The following MAG variants were observed in gnomAD, a reference collection of about 807,000 sequenced individuals.
MAG encodes myelin-associated glycoprotein.
MAG carries 30 observed loss-of-function variants against 60.7 expected under a neutral mutation model. The observed-to-expected ratio is 0.49, with a 90% CI of 0.37 to 0.67. The LOEUF is 0.67. Ranked by LOEUF, MAG falls within the 30% of genes least tolerant of loss-of-function variation. MAG has a pLI of 0.00. For missense variants in MAG, 795 were observed against 851.7 expected (o/e 0.93, Z 0.83); for synonymous variants, 384 against 376.8 (o/e 1.02, Z -0.22).
Position 35,295,760 on chromosome 19 carries a change from A to G in MAG, c.194A>G (p.Tyr65Cys). 1 of 1,613,660 alleles carries G rather than the reference A, an allele frequency of 6.2e-7. No individual in the cohort carries two copies. Among genetic ancestry groups the G allele is most frequent in the Non-Finnish European group, 8.5e-7 (1 of 1,179,946 alleles). The change falls in exon 4 of 11, where the codon TAC becomes TGC. Residue 65 changes from tyrosine (Y) to cysteine (C), a missense_variant. Physicochemically the swap from Tyr to Cys is radical, Grantham distance 194. Transcript: ENST00000392213. This position sits in a 1 kb window ranked among gnomAD's most constrained non-coding sequence, Gnocchi z 5.8. Reference sequence around the variant, plus strand: ...GGTGTCTGGTACTTCAATAGCCCCTACCCCAAGAACTACCCCCCGGTGGTC... The same window carrying G: ...GGTGTCTGGTACTTCAATAGCCCCTGCCCCAAGAACTACCCCCCGGTGGTC... ...VHGVWYFNSP[Y>C]PKNYPPVVFK...
At chr19:35,301,813 A>T (rs2066450633) in intron 6 of MAG, among the ~76,000 whole-genome samples, 1 of 151,804 alleles carries the variant, frequency 6.6e-6, no homozygotes, top group Non-Finnish European at 1.5e-5. Flanking sequence ...TGACCTGCCT[A>T]CCTCAGCCTC....
intron 5 of MAG, 95 bp downstream of exon 5, chr19:35,299,945 C>G: frequency 9.8e-7 from 1 of 1,023,852 alleles, no homozygotes; most frequent in Non-Finnish European, 1.2e-6. Flanking sequence ...CGGGGCCGGG[C>G]CGTGATGGGG....
Position 35,310,010 on chromosome 19 carries a change from C to G in MAG, c.1368C>G (p.Ser456Arg). The G allele has an allele frequency of 1.2e-6, 2 of 1,614,012 alleles. No individual in the cohort carries two copies. The highest frequency in any genetic ancestry group is 1.7e-6 in the Non-Finnish European group (2 of 1,179,936). ...CGCGCAATGTGACCGTGAACGAGAG[C>G]GAGCGGGAGTTCGTGTACTCGGAGC... is the stretch of plus-strand genomic sequence containing the variant. Reference protein sequence around the residue: ...LPSRNVTVNESEREFVYSERS... With the variant: ...LPSRNVTVNEREREFVYSERS... Residue 456 changes from serine to arginine, a missense_variant, in exon 8 of 11, where the codon AGC (serine) becomes AGG (arginine). Ser to Arg is a moderately radical substitution (Grantham distance 110). Coordinates refer to ENST00000392213, the MANE Select transcript of MAG (RefSeq NM_002361.4).
chr19:35,306,747 A>G (rs965944542), intron 7 of MAG, among the ~76,000 whole-genome samples: 3 of 152,172 alleles, frequency 2.0e-5, no homozygotes, highest in East Asian at 3.8e-4. Context: ...TGGGATGTTA[A>G]GTGTTTACAA....
At chr19:35,308,759 A>G (rs1489432295) in intron 7 of MAG, among the ~76,000 whole-genome samples, 1 of 152,198 alleles carries the variant, frequency 6.6e-6, no homozygotes, top group East Asian at 1.9e-4. Flanking sequence ...TAGGGTGAAT[A>G]TTCGTACTTT....
chr19:35,308,775 G>C (rs1291670803), intron 7 of MAG, among the ~76,000 whole-genome samples: 1 of 152,104 alleles, frequency 6.6e-6, no homozygotes, highest in Non-Finnish European at 1.5e-5. Context: ...ACTTTTTGCT[G>C]TATACATTAC....
Position 35,299,700 on chromosome 19 carries a change from C to G in MAG, c.562C>G (p.Arg188Gly). ...GCTGGGGGAGCCCGCTGTGCTGGGC[C>G]GGCTGCGGGAGGACGAGGGCACCTG... ...EGLGEPAVLG[R>G]LREDEGTWVQ... The change falls in exon 5 of 11, where the codon CGG becomes GGG. Residue 188 changes from arginine (R) to glycine (G), a missense_variant. Coordinates refer to ENST00000392213, the MANE Select transcript of MAG (RefSeq NM_002361.4). The G allele has an allele frequency of 6.3e-7, 1 of 1,588,728 alleles. No homozygotes were observed. Among genetic ancestry groups the G allele is most frequent in the Non-Finnish European group, 8.6e-7 (1 of 1,168,618 alleles).
intron 7 of MAG, among the ~76,000 whole-genome samples, chr19:35,304,614 C>G (rs1470686032): frequency 6.6e-6 from 1 of 152,106 alleles, no homozygotes; most frequent in African/African-American, 2.4e-5. Context: ...GATCTTGGCT[C>G]ACTGCAACCT....
Position 35,299,715 on chromosome 19 carries a change from G to A in MAG, c.577G>A (p.Glu193Lys). 2 of 1,575,008 alleles carry A rather than the reference G, an allele frequency of 1.3e-6. No individual in the cohort carries two copies. The highest frequency in any genetic ancestry group is 3.7e-5 in the Admixed American group (2 of 54,406). ...PAVLGRLREDEGTWVQVSLLH... is the reference protein window; with the variant it reads ...PAVLGRLREDKGTWVQVSLLH... ...TGTGCTGGGCCGGCTGCGGGAGGACGAGGGCACCTGGGTGCAGGTGTCACT... is the reference window on the plus strand; with the variant it reads ...TGTGCTGGGCCGGCTGCGGGAGGACAAGGGCACCTGGGTGCAGGTGTCACT... The change falls in exon 5 of 11, where the codon GAG (glutamate) becomes AAG (lysine). Residue 193 changes from glutamate to lysine, a missense_variant. By Grantham distance (56) the Glu-to-Lys change is moderately conservative. Transcript: ENST00000392213.
chr19:35,307,013 T>A (rs720309), intron 7 of MAG, among the ~76,000 whole-genome samples: 20,153 of 152,304 alleles, frequency 0.13, 1,430 homozygotes, highest in South Asian at 0.19. Flanking sequence ...TCTGAAAAGA[T>A]ACTAAGCACG....
In MAG at chr19:35,310,151, C is replaced by T; in HGVS notation, c.1509C>T (p.Phe503=). 1 of 1,604,920 alleles carries T rather than the reference C, an allele frequency of 6.2e-7. No individual in the cohort carries two copies. Among genetic ancestry groups the T allele is most frequent in the Non-Finnish European group, 8.5e-7 (1 of 1,173,654 alleles). The change falls in exon 8 of 11, where the codon TTC becomes TTT. Residue 503 remains phenylalanine, a synonymous_variant. Coordinates refer to ENST00000392213, the MANE Select transcript of MAG (RefSeq NM_002361.4). ...GCGCCAAGAGCCTGGAGCTGCCCTT[C>T]CAGGGAGCCCGTGAGTGGCGTGGAC... ...LYGAKSLELP[F]QGAHRLMWAK...
intron 6 of MAG, among the ~76,000 whole-genome samples, chr19:35,301,898 C>T (rs187572571): frequency 2.0e-4 from 27 of 137,180 alleles, no homozygotes; most frequent in African/African-American, 8.2e-4. Context: ...ATCTTCCCCC[C>T]GGCATTCCCC....
In MAG at chr19:35,293,518, G is replaced by C. The variant is rs185570196; in HGVS notation, c.-79-717G>C. 1.6e-4 allele frequency among the ~76,000 whole-genome samples: 24 copies of C among 152,040 alleles called. No homozygotes were observed. Among genetic ancestry groups the C allele is most frequent in the Non-Finnish European group, 2.8e-4 (19 of 68,014 alleles). ...GCTACATCTGTCACATTTCATCCCC[G>C]CGATTGGATGTGTCTGTGCATGTGT... On this transcript the variant is annotated intron_variant, in intron 1 of 10. Transcript: ENST00000392213. This position sits in a 1 kb window ranked among gnomAD's most constrained non-coding sequence, Gnocchi z 4.0.
intron 4 of MAG, among the ~76,000 whole-genome samples, chr19:35,297,955 A>G (rs934869920): frequency 4.2e-5 from 6 of 141,976 alleles, no homozygotes; most frequent in Non-Finnish European, 7.8e-5. Flanking sequence ...CACACACCAC[A>G]CCAAACACAC....
chr19:35,305,098 T>A (rs2066474479), intron 7 of MAG, among the ~76,000 whole-genome samples: 1 of 152,014 alleles, frequency 6.6e-6, no homozygotes, highest in African/African-American at 2.4e-5. Flanking sequence ...AGATGTGGAG[T>A]GTGCAGGCCT....
At chr19:35,305,479 C>T (rs1165445381) in intron 7 of MAG, among the ~76,000 whole-genome samples, 1 of 152,132 alleles carries the variant, frequency 6.6e-6, no homozygotes, top group Non-Finnish European at 1.5e-5. Flanking sequence ...ATTCTTCAAC[C>T]CAGTTTAATA....
rs1019190957 is a variant in MAG at position 35,300,719 on chromosome 19, T to C, written c.970+315T>C. Among the ~76,000 whole-genome samples the C allele has an allele frequency of 3.9e-5, 6 of 152,330 alleles. No individual in the cohort carries two copies. The East Asian group carries it at 1.2e-3, about 29-fold the overall frequency. ...CTTGATGTGGGTCTGGTCCCAGGAATCTGCGTTTTACTTTATAAAATTTTT... is the reference window on the plus strand; with the variant it reads ...CTTGATGTGGGTCTGGTCCCAGGAACCTGCGTTTTACTTTATAAAATTTTT... On this transcript the variant is annotated intron_variant, in intron 6 of 10. Coordinates refer to ENST00000392213, the MANE Select transcript of MAG (RefSeq NM_002361.4).
Position 35,310,126 on chromosome 19 carries a change from G to T in MAG, c.1484G>T (p.Gly495Val), listed in dbSNP as rs766329436. The change falls in exon 8 of 11, where the codon GGC becomes GTC. Residue 495 changes from glycine to valine, a missense_variant. By Grantham distance (109) the Gly-to-Val change is moderately radical (BLOSUM62 -3). Transcript: ENST00000392213. ...RVICTARNLY[G>V]AKSLELPFQG... ...ATCTGCACCGCGAGGAACCTCTATG[G>T]CGCCAAGAGCCTGGAGCTGCCCTTC... 2 of 1,610,210 alleles carry T rather than the reference G, an allele frequency of 1.2e-6. No homozygotes were observed. The highest frequency in any genetic ancestry group is 3.3e-5 in the Admixed American group (2 of 59,928).
chr19:35,294,373 T>A, intron 2 of MAG, 83 bp downstream of exon 2: 1 of 411,532 alleles, frequency 2.4e-6, no homozygotes, highest in Non-Finnish European at 4.8e-6. Flanking sequence ...TCTTACTTTC[T>A]GGAGATCTCC....
Sources: allele counts gnomAD v4.1 joint callset (sites outside exome capture counted in the v4.1 genomes callset), GRCh38; gene constraint gnomAD v4.1.1; non-coding constraint Gnocchi (gnomAD v3.1); transcripts MANE v1.5; gene names NCBI Gene and HGNC (gene_info 2026-07-23, HGNC 2026-07-21).